TRPC6: variants seen among roughly 807,000 people sequenced by gnomAD.
The protein encoded by TRPC6 is transient receptor potential cation channel subfamily C member 6, also known as short transient receptor potential channel 6.
Under a neutral mutation model 90.7 loss-of-function variants are expected in TRPC6, and 55 were observed. The ratio of observed to expected loss-of-function variants is 0.61; its 90% confidence interval spans 0.49 to 0.76. The LOEUF (loss-of-function observed/expected upper bound fraction) is 0.76. Ranked by LOEUF, TRPC6 falls within the 30% of genes least tolerant of loss-of-function variation. The pLI, the probability that TRPC6 is intolerant of heterozygous loss-of-function variation, is 0.00. For synonymous variants in TRPC6, 393 were observed against 393.0 expected (o/e 1.00, Z 0.00); for missense variants, 989 against 1,122.7 (o/e 0.88, Z 1.70).
At chr11:101,524,560 T>C (rs1474982750) in intron 1 of TRPC6, among the ~76,000 whole-genome samples, 1 of 152,350 alleles carries the variant, frequency 6.6e-6, no homozygotes, top group Admixed American at 6.5e-5. Flanking sequence ...TTTTATCCCT[T>C]AAATTTAAAT....
intron 3 of TRPC6, among the ~76,000 whole-genome samples, chr11:101,490,418 T>C (rs988983313): frequency 1.3e-5 from 2 of 152,222 alleles, no homozygotes; most frequent in Non-Finnish European, 2.9e-5. Flanking sequence ...ATTACTTTTA[T>C]TGGAAAAATC....
At chr11:101,555,021 T>TTTTTTTTTTTTTTTTTTTTTTTTTTTGAG (rs1861529525) in intron 1 of TRPC6, among the ~76,000 whole-genome samples, 1 of 152,160 alleles carries the variant, frequency 6.6e-6, no homozygotes, top group Middle Eastern at 3.2e-3. Context: ...TCTTTCTTCT[T>TTTTTTTTTTTTTTTTTTTTTTTTTTTGAG]ACCTAGGTAA....
At position 101,509,717 on chromosome 11, in the gene TRPC6, A is replaced by AT. The variant is rs201469652; in HGVS notation, c.171-4920dup. On this transcript the variant is annotated intron_variant, in intron 1 of 12. Transcript: ENST00000344327. ...GGAACAGCAAAGATATTTCCGTAGA[A>AT]TTTTTTTTTTCAGTTTTAAAGCATC... Among the ~76,000 whole-genome samples the AT allele has an allele frequency of 4.8e-3, 718 of 150,130 alleles. 8 individuals are homozygous for AT. Among genetic ancestry groups the AT allele is most frequent in the African/African-American group, 0.017 (679 of 40,918 alleles).
intron 2 of TRPC6, among the ~76,000 whole-genome samples, 182 bp downstream of exon 2, chr11:101,503,841 TC>T (rs1487782444): frequency 6.6e-6 from 1 of 152,170 alleles, no homozygotes; most frequent in Admixed American, 6.5e-5. Flanking sequence ...CAGTAGAGCA[TC>T]ACTAAATGGT....
intron 1 of TRPC6, among the ~76,000 whole-genome samples, chr11:101,512,146 C>G (rs991541689): frequency 6.6e-6 from 1 of 152,130 alleles, no homozygotes; most frequent in Non-Finnish European, 1.5e-5. Flanking sequence ...TTCTAGATAG[C>G]AATTCTTCAT....
rs1210796732 is a variant in TRPC6 at position 101,558,430 on chromosome 11, CATAT to C, written c.170+24900_170+24903del. On this transcript the variant is annotated intron_variant, in intron 1 of 12. Transcript: ENST00000344327. ...ACACATATACACACACACATATCTA[CATAT>C]ATACATATATATACACACGCACACA... 1.9e-5 allele frequency among the ~76,000 whole-genome samples: 2 copies of C among 104,004 alleles called. 1 individual carries two copies. The highest frequency in any genetic ancestry group is 3.8e-5 in the Non-Finnish European group (2 of 51,950). The allele number at this position is 104,004 out of a possible 152,430, so 68.2% of individuals were successfully genotyped here. A position where few individuals can be genotyped will look rare whatever the true frequency, so the allele number is the denominator to read the frequency against.
Position 101,453,021 on chromosome 11 carries a change from T to G in TRPC6, c.2730A>C (p.Ala910=), listed in dbSNP as rs1301826233. The G allele has an allele frequency of 1.9e-6, 3 of 1,613,840 alleles. No individual in the cohort carries two copies. The highest frequency in any genetic ancestry group is 1.1e-5 in the South Asian group (1 of 91,080). Residue 910 remains alanine, a synonymous_variant, in exon 13 of 13, where the codon GCA becomes GCC. Coordinates refer to ENST00000344327, the MANE Select transcript of TRPC6 (RefSeq NM_004621.6). ...EEKSQNTEDL[A]ELIRELGEKL... ...TCTCTCCAAGTTCTCTAATAAGTTC[T>G]GCTAGGTCTTCTGTATTCTGAGATT...
At chr11:101,466,342 G>A (rs775150080) in intron 10 of TRPC6, among the ~76,000 whole-genome samples, 1 of 152,210 alleles carries the variant, frequency 6.6e-6, no homozygotes, top group Non-Finnish European at 1.5e-5. Flanking sequence ...GTCCCAGGGA[G>A]ATGAGGGTTT....
At chr11:101,538,296 T>G (rs1861097505) in intron 1 of TRPC6, among the ~76,000 whole-genome samples, 1 of 152,226 alleles carries the variant, frequency 6.6e-6, no homozygotes, top group Non-Finnish European at 1.5e-5. Context: ...ATTTCTATAC[T>G]TTTCTATTGC....
intron 1 of TRPC6, among the ~76,000 whole-genome samples, chr11:101,539,429 G>T (rs1415524815): frequency 1.3e-5 from 2 of 152,176 alleles, no homozygotes; most frequent in Non-Finnish European, 2.9e-5. Flanking sequence ...CAGTTTCTCA[G>T]ACGCCACACT....
At position 101,573,141 on chromosome 11, in the gene TRPC6, A is replaced by G. The variant is rs576609477; in HGVS notation, c.170+10193T>C. On this transcript the variant is annotated intron_variant, in intron 1 of 12. Coordinates refer to ENST00000344327, the MANE Select transcript of TRPC6 (RefSeq NM_004621.6). ...TGATACAGTATGACGTCCATAGAGG[A>G]AAGAATTGTAGAGATAAGGCCAATA... Among the ~76,000 whole-genome samples, 82 of 147,552 alleles carry G rather than the reference A, an allele frequency of 5.6e-4. 3 individuals are homozygous for G. In the South Asian group the frequency reaches 0.02, roughly 35 times the overall value.
At chr11:101,573,330 C>G (rs1015702881) in intron 1 of TRPC6, among the ~76,000 whole-genome samples, 7 of 152,034 alleles carry the variant, frequency 4.6e-5, no homozygotes, top group Admixed American at 2.6e-4. Flanking sequence ...TAAAAGCAAA[C>G]AAGCAAATAA....
At chr11:101,453,954 AAGAATGTTT>A in intron 11 of TRPC6, among the ~76,000 whole-genome samples, 1 of 152,300 alleles carries the variant, frequency 6.6e-6, no homozygotes, top group South Asian at 2.1e-4. Flanking sequence ...GTTCTTAGAA[AAGAATGTTT>A]AGAGCAAGTA....
chr11:101,496,983 TA>T (rs1859964523), intron 2 of TRPC6, among the ~76,000 whole-genome samples: 1 of 152,224 alleles, frequency 6.6e-6, no homozygotes, highest in Non-Finnish European at 1.5e-5. Context: ...GATTATATCT[TA>T]GTCGTCTTTG....
At chr11:101,468,414 G>T (rs974086502) in intron 10 of TRPC6, among the ~76,000 whole-genome samples, 1 of 152,260 alleles carries the variant, frequency 6.6e-6, no homozygotes, top group South Asian at 2.1e-4. Flanking sequence ...CTATGTTGTT[G>T]GGGGAGGTAA....
At chr11:101,481,670 C>T (rs556827139) in intron 5 of TRPC6, among the ~76,000 whole-genome samples, 4 of 152,226 alleles carry the variant, frequency 2.6e-5, no homozygotes, top group African/African-American at 4.8e-5. Flanking sequence ...AGGGTGCTCT[C>T]GAGTCCTTTC....
chr11:101,456,829 T>C (rs1393618875), intron 10 of TRPC6, among the ~76,000 whole-genome samples: 2 of 152,180 alleles, frequency 1.3e-5, no homozygotes, highest in African/African-American at 4.8e-5. Context: ...TTTTTCTAAG[T>C]ATTAAATACC....
At chr11:101,575,468 T>C (rs1389769762) in intron 1 of TRPC6, among the ~76,000 whole-genome samples, 1 of 152,218 alleles carries the variant, frequency 6.6e-6, no homozygotes, top group African/African-American at 2.4e-5. Context: ...ACCTACCTTC[T>C]TTTTACTGTC....
chr11:101,548,280 A>ATATATAATT lies in TRPC6; in HGVS notation c.170+35045_170+35053dup, dbSNP rs58777127. 7.0e-3 allele frequency among the ~76,000 whole-genome samples: 946 copies of ATATATAATT among 135,430 alleles called. 18 individuals carry two copies. Among genetic ancestry groups the ATATATAATT allele is most frequent in the Non-Finnish European group, 0.013 (796 of 61,804 alleles). The allele number at this position is 135,430 out of a possible 152,430, so 88.8% of individuals were successfully genotyped here. A position where few individuals can be genotyped will look rare whatever the true frequency, so the allele number is the denominator to read the frequency against. On this transcript the variant is annotated intron_variant, in intron 1 of 12. Coordinates refer to ENST00000344327, the MANE Select transcript of TRPC6 (RefSeq NM_004621.6). ...ATATATACATATATATATAATTTAT[A>ATATATAATT]TATATAATTATATATAATTGAAATA...
Sources: allele counts gnomAD v4.1 joint callset (sites outside exome capture counted in the v4.1 genomes callset), GRCh38; gene constraint gnomAD v4.1.1; transcripts MANE v1.5; gene names NCBI Gene and HGNC (gene_info 2026-07-23, HGNC 2026-07-21).